Variants in VPS13B observed in about 807,000 individuals in gnomAD.
VPS13B encodes intermembrane lipid transfer protein VPS13B.
Under a neutral mutation model 426.4 loss-of-function variants are expected in VPS13B, and 285 were observed. The ratio of observed to expected loss-of-function variants is 0.67; its 90% CI spans 0.61 to 0.74. The LOEUF (loss-of-function observed/expected upper bound fraction) is 0.74. Ranked by LOEUF, VPS13B falls within the 30% of genes least tolerant of loss-of-function variation. The pLI is 0.00. For synonymous variants in VPS13B, 1,676 were observed against 1,676.4 expected, an observed-to-expected ratio of 1.00 and a Z score of 0.01; for missense variants, 4,537 against 4,782.6, an observed-to-expected ratio of 0.95 and a Z score of 1.51.
At chr8:99,173,367 T>C (rs1166841397) in intron 16 of VPS13B, among the ~76,000 whole-genome samples, 1 of 152,140 alleles carries the variant, frequency 6.6e-6, no homozygotes. Context: ...GTAAATTCTT[T>C]TAGTTTTAAT....
intron 14 of VPS13B, among the ~76,000 whole-genome samples, chr8:99,155,555 C>G (rs1381442959): frequency 1.3e-5 from 2 of 151,964 alleles, no homozygotes; most frequent in Non-Finnish European, 2.9e-5. Flanking sequence ...TTAGTAATCC[C>G]AAAGAAAGTC....
chr8:99,536,918 A>T, intron 30 of VPS13B: 1 of 445,616 alleles, frequency 2.2e-6, no homozygotes, highest in Non-Finnish European at 4.6e-6. Flanking sequence ...GAGTTACAGA[A>T]TTGCAGTGTT....
intron 3 of VPS13B, among the ~76,000 whole-genome samples, chr8:99,072,109 C>A (rs886727408): frequency 2.0e-5 from 3 of 151,962 alleles, no homozygotes; most frequent in Admixed American, 6.6e-5. Context: ...AGACAAAGTC[C>A]CCTTTATCCT....
intron 19 of VPS13B, among the ~76,000 whole-genome samples, chr8:99,351,465 T>C (rs1811891133): frequency 6.6e-6 from 1 of 151,630 alleles, no homozygotes; most frequent in African/African-American, 2.4e-5. Flanking sequence ...TGTGTGTGTA[T>C]GTATGTGTGT....
chr8:99,300,207 G>A (rs941464141), intron 19 of VPS13B, among the ~76,000 whole-genome samples: 5 of 152,074 alleles, frequency 3.3e-5, no homozygotes, highest in Non-Finnish European at 7.4e-5. Context: ...GTTTTCATAT[G>A]TCCTCATTTG....
chr8:99,715,482 G>C (rs887542141), intron 36 of VPS13B, among the ~76,000 whole-genome samples: 1 of 152,170 alleles, frequency 6.6e-6, no homozygotes, highest in Non-Finnish European at 1.5e-5. Context: ...ATAAGTTTTA[G>C]AAATTTGTCA....
Position 99,766,819 on chromosome 8 carries a change from G to T in VPS13B, c.7096G>T (p.Val2366Phe). 6.2e-7 allele frequency: 1 copy of T among 1,613,940 alleles called. No homozygotes were observed. Among genetic ancestry groups the T allele is most frequent in the East Asian group, 2.2e-5 (1 of 44,830 alleles). ...EYWDELQKVF[V>F]AFREFNLSES... The stretch of plus-strand genomic sequence containing the variant: ...CTGGGATGAACTCCAGAAGGTTTTT[G>T]TTGCATTTAGAGAATTTAATCTGTC... Residue 2366 changes from valine to phenylalanine, a missense_variant, in exon 40 of 62, where the codon GTT becomes TTT. Physicochemically the swap from Val to Phe is conservative, Grantham distance 50. This residue lies in a region of VPS13B where 4,311 missense variants were observed against 4,474.3 expected (regional missense o/e 0.96). Coordinates refer to ENST00000357162, the MANE Select transcript of VPS13B (RefSeq NM_152564.5).
intron 19 of VPS13B, among the ~76,000 whole-genome samples, chr8:99,294,009 A>T (rs1188043118): frequency 2.6e-5 from 3 of 113,250 alleles, no homozygotes; most frequent in African/African-American, 1.1e-4. Context: ...AGAACTAGAA[A>T]TACCATTTGA....
intron 23 of VPS13B, among the ~76,000 whole-genome samples, chr8:99,460,812 A>C (rs565268499): frequency 6.6e-6 from 1 of 152,304 alleles, no homozygotes; most frequent in Admixed American, 6.5e-5. Flanking sequence ...CACCACTCCA[A>C]ATCAAGTGAC....
intron 43 of VPS13B, among the ~76,000 whole-genome samples, chr8:99,798,191 T>C (rs1029841571): frequency 1.3e-5 from 2 of 151,700 alleles, no homozygotes; most frequent in East Asian, 3.9e-4. Flanking sequence ...ATCAACTGCA[T>C]TTTTATTTCA....
At chr8:99,326,451 GCTTTTTT>G (rs1810266428) in intron 19 of VPS13B, among the ~76,000 whole-genome samples, 1 of 19,748 alleles carries the variant, frequency 5.1e-5, no homozygotes, top group Non-Finnish European at 1.0e-4. Context: ...TCTCTAGGTA[GCTTTTTT>G]TTTTTTTTTT....
intron 33 of VPS13B, among the ~76,000 whole-genome samples, chr8:99,627,108 G>A (rs762182978): frequency 2.0e-5 from 3 of 152,184 alleles, no homozygotes; most frequent in Non-Finnish European, 4.4e-5. Flanking sequence ...CCCCAGGCTA[G>A]AGGGTAGGGG....
chr8:99,776,333 T>C (rs1180628089), intron 40 of VPS13B, among the ~76,000 whole-genome samples: 4 of 152,312 alleles, frequency 2.6e-5, no homozygotes, highest in Non-Finnish European at 4.4e-5. Flanking sequence ...CTGTGAACAA[T>C]TCATAGAGAA....
intron 3 of VPS13B, among the ~76,000 whole-genome samples, chr8:99,063,574 T>G (rs1304034408): frequency 6.6e-6 from 1 of 152,108 alleles, no homozygotes; most frequent in African/African-American, 2.4e-5. Context: ...CAGGGAAGCT[T>G]GAACTGGGTG....
intron 8 of VPS13B, among the ~76,000 whole-genome samples, chr8:99,125,031 A>G (rs1187648403): frequency 6.6e-6 from 1 of 152,214 alleles, no homozygotes; most frequent in African/African-American, 2.4e-5. Context: ...GAGGGACAGA[A>G]CTAATAGGCT....
At chr8:99,296,785 G>A (rs1175095103) in intron 19 of VPS13B, among the ~76,000 whole-genome samples, 3 of 152,136 alleles carry the variant, frequency 2.0e-5, no homozygotes, top group African/African-American at 4.8e-5. Flanking sequence ...CTTCTGCCAC[G>A]TGAGGACATA....
intron 59 of VPS13B, 112 bp from the exon 60 acceptor site, chr8:99,870,673 C>A: frequency 1.1e-6 from 1 of 927,390 alleles, no homozygotes; most frequent in Non-Finnish European, 1.8e-6. Context: ...GATGTGACAT[C>A]ATTTTGGATC....
chr8:99,493,550 C>T (rs1221206018), intron 25 of VPS13B, among the ~76,000 whole-genome samples: 2 of 151,876 alleles, frequency 1.3e-5, no homozygotes, highest in African/African-American at 4.8e-5. Flanking sequence ...TTTGGGAGGC[C>T]GAGGCAGGCA....
At chr8:99,170,189 T>C in intron 16 of VPS13B, 26 bp downstream of exon 16, 1 of 1,609,974 alleles carries the variant, frequency 6.2e-7, no homozygotes, top group Non-Finnish European at 8.5e-7. Flanking sequence ...TAAAATGTGA[T>C]TTATGTTAAT....
Sources: gnomAD v4.1 joint callset for allele counts (sites outside exome capture counted in the v4.1 genomes callset) on GRCh38, gnomAD v4.1.1 for gene constraint, gnomAD v4.1.1 regional missense constraint, MANE v1.5 for transcripts, NCBI Gene and HGNC (gene_info 2026-07-23, HGNC 2026-07-21) for gene names.